The following PTGS1 variants were observed in gnomAD, a reference collection of about 807,000 sequenced individuals.
PTGS1 encodes prostaglandin-endoperoxide synthase 1.
In PTGS1, 40 loss-of-function variants were observed where a neutral mutation model predicts 63.0. The ratio of observed to expected loss-of-function variants is 0.63; its 90% CI spans 0.49 to 0.83. The LOEUF (loss-of-function observed/expected upper bound fraction) is 0.83. PTGS1 is among the 40% of genes least tolerant of loss of function. The pLI, the probability that PTGS1 is intolerant of heterozygous loss-of-function variation, is 0.00. For synonymous variants in PTGS1, 298 were observed against 301.9 expected, an observed-to-expected ratio of 0.99 and a Z score of 0.13; for missense variants, 709 against 786.5, an observed-to-expected ratio of 0.90 and a Z score of 1.18.
At chr9:122,390,081 C>A (rs945400152) in intron 9 of PTGS1, 117 bp from the exon 10 acceptor site, 19 of 1,258,898 alleles carry the variant, frequency 1.5e-5, no homozygotes, top group Non-Finnish European at 2.0e-5. Flanking sequence ...CTGCCCAACA[C>A]TCTCCATCCT....
chr9:122,392,414 T>C lies in PTGS1; in HGVS notation c.1670T>C (p.Ile557Thr), dbSNP rs201061676. Residue 557 changes from isoleucine to threonine, a missense_variant, in exon 11 of 11, where the codon ATT (isoleucine) becomes ACT (threonine). By Grantham distance (89) the Ile-to-Thr change is moderately conservative (BLOSUM62 -1). Transcript: ENST00000362012. ...TTTGGCGGCGAGGTGGGCTTTAACA[T>C]TGTCAAGACGGCCACACTGAAGAAG... The part of the protein sequence containing the change: ...STFGGEVGFN[I>T]VKTATLKKLV... The C allele has an allele frequency of 6.8e-6, 11 of 1,614,128 alleles. No homozygotes were observed. The highest frequency in any genetic ancestry group is 6.6e-5 in the South Asian group (6 of 91,068).
At position 122,371,048 on chromosome 9, in the gene PTGS1, G is replaced by C; in HGVS notation, c.-37G>C. 2.5e-6 allele frequency: 4 copies of C among 1,579,366 alleles called. No individual in the cohort carries two copies. Among genetic ancestry groups the C allele is most frequent in the Non-Finnish European group, 3.4e-6 (4 of 1,170,452 alleles). On this transcript the variant is annotated 5_prime_UTR_variant, in exon 1 of 11. Transcript: ENST00000362012. ...CAGTGTGCGAGGCGCACGCACAGGA[G>C]CCTGCACTCTGCGTCCCGCACCCCA...
chr9:122,378,364 A>G, intron 3 of PTGS1, 69 bp from the exon 4 acceptor site: 2 of 1,601,846 alleles, frequency 1.2e-6, no homozygotes, highest in South Asian at 1.1e-5. Context: ...TCAGTGCCCC[A>G]TCTTCCACCC....
rs148072881 is a variant in PTGS1, at chr9:122,371,590, A to G, written c.94+318A>G. ...AGATGTCTAAGCAGCCTCTGCACCCAACAACCCCGCTGTTTCCTATAGGGG... is the reference window on the plus strand; with the variant it reads ...AGATGTCTAAGCAGCCTCTGCACCCGACAACCCCGCTGTTTCCTATAGGGG... On this transcript the variant is annotated intron_variant, in intron 2 of 10. Coordinates refer to ENST00000362012, the MANE Select transcript of PTGS1 (RefSeq NM_000962.4). 2.0e-4 allele frequency: 285 copies of G among 1,430,138 alleles called. No homozygotes were observed. The East Asian group carries it at 6.9e-3, about 34-fold the overall frequency. The allele number at this position is 1,430,138 out of a possible 1,614,324, so 88.6% of individuals were successfully genotyped here. A position where few individuals can be genotyped will look rare whatever the true frequency, so the allele number is the denominator to read the frequency against.
chr9:122,371,385 C>A, intron 2 of PTGS1, 113 bp downstream of exon 2: 1 of 1,502,696 alleles, frequency 6.7e-7, no homozygotes, highest in Non-Finnish European at 8.9e-7. Context: ...GCTCGCGGTG[C>A]TGAGAAAGAC....
At chr9:122,385,726 G>A (rs1046487775) in intron 8 of PTGS1, among the ~76,000 whole-genome samples, 3 of 152,050 alleles carry the variant, frequency 2.0e-5, no homozygotes, top group African/African-American at 7.3e-5. Context: ...CACCGAGGGT[G>A]TCAGCATGAT....
Position 122,386,678 on chromosome 9 carries a change from G to A in PTGS1, c.1242G>A (p.Val414=). Residue 414 remains valine (V), a synonymous_variant, in exon 9 of 11, where the codon GTG becomes GTA. Transcript: ENST00000362012. ...TCTTGTTCAACACCTCCATGTTGGTGGACTATGGGGTTGAGGCCCTGGTGG... is the reference window on the plus strand; with the variant it reads ...TCTTGTTCAACACCTCCATGTTGGTAGACTATGGGGTTGAGGCCCTGGTGG... ...EQFLFNTSML[V]DYGVEALVDA... is the part of the protein sequence containing the mutation. The A allele has an allele frequency of 1.9e-6, 3 of 1,614,232 alleles. No homozygotes were observed. Among genetic ancestry groups the A allele is most frequent in the Non-Finnish European group, 2.5e-6 (3 of 1,180,042 alleles).
In PTGS1 at chr9:122,388,416, T is replaced by A. The variant is rs185438031; in HGVS notation, c.1296+1684T>A. On this transcript the variant is annotated intron_variant, in intron 9 of 10. Coordinates refer to ENST00000362012, the MANE Select transcript of PTGS1 (RefSeq NM_000962.4). ...ATGGCTACCCTCTCAGGGGTTCCCA[T>A]GTGACCAATACTGAGATAACAGCTT... Among the ~76,000 whole-genome samples, 6 of 152,342 alleles carry A rather than the reference T, an allele frequency of 3.9e-5. No homozygotes were observed. In the East Asian group the frequency reaches 1.2e-3, roughly 29 times the overall value.
chr9:122,383,314 A>T (rs1221718139), intron 7 of PTGS1, among the ~76,000 whole-genome samples, 195 bp from the exon 8 acceptor site: 1 of 150,572 alleles, frequency 6.6e-6, no homozygotes, highest in Admixed American at 6.7e-5. Context: ...AGAGTGGAAG[A>T]TGAGCGGGGG....
chr9:122,377,912 T>C lies in PTGS1; in HGVS notation c.108T>C (p.Cys36=), dbSNP rs1253575866. 6.2e-7 allele frequency: 1 copy of C among 1,614,028 alleles called. No individual in the cohort carries two copies. The highest frequency in any genetic ancestry group is 8.5e-7 in the Non-Finnish European group (1 of 1,179,958). ...PGAPTPVNPC[C]YYPCQHQGIC... ...TCTCACCCACAGTGAATCCCTGTTG[T>C]TACTATCCATGCCAGCACCAGGGCA... The change falls in exon 3 of 11, where the codon TGT becomes TGC. Residue 36 remains cysteine (C), a synonymous_variant. Transcript: ENST00000362012.
intron 10 of PTGS1, 150 bp downstream of exon 10, chr9:122,390,495 TA>T (rs1838155904): frequency 5.3e-6 from 5 of 948,482 alleles, no homozygotes; most frequent in African/African-American, 1.7e-5. Flanking sequence ...GCCAGGGTGG[TA>T]AATAAGCCTG....
chr9:122,383,657 G>A lies in PTGS1; in HGVS notation c.911G>A (p.Trp304Ter). 1 of 1,614,140 alleles carries A rather than the reference G, an allele frequency of 6.2e-7. No individual in the cohort carries two copies. The highest frequency in any genetic ancestry group is 8.5e-7 in the Non-Finnish European group (1 of 1,180,046). ...GGGCTCATGCTGTATGCCACGCTCT[G>A]GCTACGTGAGCACAACCGTGTGTGT... is the stretch of plus-strand genomic sequence containing the variant. ...LPGLMLYATL[W>*]LREHNRVCDL... The change falls in exon 8 of 11, where the codon TGG becomes TAG. Residue 304 changes from tryptophan (W) to a stop codon, truncating the protein, a stop_gained. Transcript: ENST00000362012. LOFTEE classifies it high-confidence loss of function.
chr9:122,383,385 G>A, intron 7 of PTGS1, 124 bp from the exon 8 acceptor site: 1 of 1,306,220 alleles, frequency 7.7e-7, no homozygotes, highest in African/African-American at 1.5e-5. Context: ...AGACATTTTG[G>A]AGGTGGAATC....
chr9:122,382,068 G>A (rs1837562545), intron 7 of PTGS1, among the ~76,000 whole-genome samples: 2 of 152,212 alleles, frequency 1.3e-5, no homozygotes, highest in Admixed American at 1.3e-4. Context: ...ACAGGTGATT[G>A]AGTAGTGACC....
intron 9 of PTGS1, among the ~76,000 whole-genome samples, chr9:122,387,093 A>T (rs1837919041): frequency 6.6e-6 from 1 of 151,932 alleles, no homozygotes; most frequent in South Asian, 2.1e-4. Context: ...GTATGTTATA[A>T]ACCATAGTAG....
chr9:122,381,449 G>A lies in PTGS1; in HGVS notation c.575G>A (p.Gly192Asp), dbSNP rs1588128940. Residue 192 changes from glycine (G) to aspartate (D), a missense_variant, in exon 6 of 11, where the codon GGC becomes GAC. Coordinates refer to ENST00000362012, the MANE Select transcript of PTGS1 (RefSeq NM_000962.4). ...AGGAAGTTCATACCTGACCCCCAAG[G>A]CACCAACCTCATGTTTGCCTTCTTT... ...LRRKFIPDPQGTNLMFAFFAQ... is the reference protein window; with the variant it reads ...LRRKFIPDPQDTNLMFAFFAQ... 3 of 1,614,190 alleles carry A rather than the reference G, an allele frequency of 1.9e-6. No homozygotes were observed. In the South Asian group the frequency reaches 3.3e-5, roughly 18 times the overall value.
intron 9 of PTGS1, among the ~76,000 whole-genome samples, chr9:122,389,815 G>C (rs1303690820): frequency 6.6e-6 from 1 of 152,062 alleles, no homozygotes; most frequent in African/African-American, 2.4e-5. Context: ...AACAAAATTA[G>C]CCAGGCATGG....
intron 9 of PTGS1, 66 bp from the exon 10 acceptor site, chr9:122,390,132 A>T: frequency 6.4e-7 from 1 of 1,556,892 alleles, no homozygotes; most frequent in Non-Finnish European, 8.7e-7. Context: ...TGTCCCAGGA[A>T]CTTACCCAGG....
chr9:122,387,032 C>T (rs747303762), intron 9 of PTGS1, among the ~76,000 whole-genome samples: 5 of 151,904 alleles, frequency 3.3e-5, no homozygotes, highest in Non-Finnish European at 7.4e-5. Context: ...GCCCTTACTG[C>T]GTGTCAGGCA....
Sources: allele counts gnomAD v4.1 joint callset (sites outside exome capture counted in the v4.1 genomes callset), GRCh38; gene constraint gnomAD v4.1.1; transcripts MANE v1.5; gene names NCBI Gene and HGNC (gene_info 2026-07-23, HGNC 2026-07-21).